Variants in HTT observed in about 807,000 individuals in gnomAD.
HTT encodes huntingtin, also known as huntington disease protein.
In HTT, 104 loss-of-function variants were observed where a neutral mutation model predicts 362.3. That is an observed-to-expected ratio of 0.29 (90% CI 0.24 to 0.34). The LOEUF (loss-of-function observed/expected upper bound fraction) is 0.34. Ranked by LOEUF, HTT falls within the 10% of genes least tolerant of loss-of-function variation. HTT has a pLI of 1.00. For missense variants in HTT, 3,301 were observed against 3,928.6 expected (o/e 0.84, Z 4.27); for synonymous variants, 1,577 against 1,548.7 (o/e 1.02, Z -0.43).
chr4:3,210,377 TGTC>T (rs1720093933), intron 47 of HTT, among the ~76,000 whole-genome samples: 1 of 152,264 alleles, frequency 6.6e-6, no homozygotes, highest in East Asian at 1.9e-4. Context: ...TTCAACACAG[TGTC>T]GTAATGCGTG....
intron 8 of HTT, among the ~76,000 whole-genome samples, chr4:3,120,102 A>G (rs1329024548): frequency 1.3e-5 from 2 of 152,228 alleles, no homozygotes; most frequent in African/African-American, 2.4e-5. Flanking sequence ...CAGAAGAGCT[A>G]AAAGTGAGAC....
rs749602044 is a variant in HTT, at chr4:3,187,653, G to A, written c.4992G>A (p.Ala1664=). ...CTTATGTATTATGTTTATTTTAGGCGTCCGTGAGCACTGTTCAACTGTGGA... is the reference window on the plus strand; with the variant it reads ...CTTATGTATTATGTTTATTTTAGGCATCCGTGAGCACTGTTCAACTGTGGA... ...RSMFVTPNTM[A]SVSTVQLWIS... Residue 1664 remains alanine (A), a splice_region_variant and synonymous_variant, in exon 39 of 67, where the codon GCG becomes GCA. Transcript: ENST00000355072. 1.6e-5 allele frequency: 25 copies of A among 1,610,766 alleles called. No individual in the cohort carries two copies. The highest frequency in any genetic ancestry group is 1.3e-4 in the East Asian group (6 of 44,872).
chr4:3,222,365 C>G lies in HTT; in HGVS notation c.7370-22C>G, dbSNP rs1415660823. 1.9e-6 allele frequency: 3 copies of G among 1,599,158 alleles called. No individual in the cohort carries two copies. In the Admixed American group the frequency reaches 5.0e-5, roughly 27 times the overall value. The stretch of plus-strand genomic sequence containing the variant: ...GGCTTGAGAAGGGTTGACACTCTCT[C>G]ATGTAACATTTATATTTCTAGGCTG... On this transcript the variant is annotated intron_variant, in intron 53 of 66. Coordinates refer to ENST00000355072, the MANE Select transcript of HTT (RefSeq NM_001388492.1).
At chr4:3,225,019 G>C (rs560877269) in intron 56 of HTT, among the ~76,000 whole-genome samples, 2 of 152,180 alleles carry the variant, frequency 1.3e-5, no homozygotes, top group Non-Finnish European at 2.9e-5. Flanking sequence ...GGAAGGGGGC[G>C]TGGAGGCCCC....
chr4:3,194,110 A>G (rs1292129351), intron 40 of HTT, among the ~76,000 whole-genome samples: 1 of 152,220 alleles, frequency 6.6e-6, no homozygotes, highest in Non-Finnish European at 1.5e-5. Context: ...AATTGGTAAT[A>G]TGTATTCACG....
In HTT at chr4:3,178,478, G is replaced by A. The variant is rs199752551; in HGVS notation, c.4612+32G>A. On this transcript the variant is annotated intron_variant, in intron 35 of 66. Transcript: ENST00000355072. ...GGACACACCTTTCACTGTCGTCTTCGGTGTCGTGATGTGCTTGGCAGTGTT... is the reference window on the plus strand; with the variant it reads ...GGACACACCTTTCACTGTCGTCTTCAGTGTCGTGATGTGCTTGGCAGTGTT... The A allele has an allele frequency of 3.9e-5, 62 of 1,606,496 alleles. No homozygotes were observed. The African/African-American group carries it at 7.0e-4, about 18-fold the overall frequency.
intron 40 of HTT, among the ~76,000 whole-genome samples, chr4:3,193,094 G>C (rs969812680): frequency 1.3e-5 from 2 of 152,256 alleles, no homozygotes; most frequent in African/African-American, 4.8e-5. Flanking sequence ...CAAGAGAGCA[G>C]CTGAGAGTAC....
intron 1 of HTT, among the ~76,000 whole-genome samples, chr4:3,079,945 T>A (rs977183844): frequency 6.6e-6 from 1 of 152,198 alleles, no homozygotes; most frequent in African/African-American, 2.4e-5. Flanking sequence ...TATAACAATT[T>A]AGCAGTAGCT....
At chr4:3,178,777 G>A (rs1254551206) in intron 35 of HTT, among the ~76,000 whole-genome samples, 7 of 152,218 alleles carry the variant, frequency 4.6e-5, no homozygotes, top group Non-Finnish European at 1.0e-4. Flanking sequence ...AAAAGGCCAA[G>A]AAGCGATGCA....
intron 5 of HTT, among the ~76,000 whole-genome samples, chr4:3,106,654 TAG>T (rs1201275695): frequency 1.3e-5 from 2 of 152,180 alleles, no homozygotes; most frequent in African/African-American, 4.8e-5. Context: ...TTAGTCTGAT[TAG>T]AGTCAGGTTT....
intron 59 of HTT, 94 bp from the exon 60 acceptor site, chr4:3,229,793 G>A (rs1325105967): frequency 3.0e-6 from 4 of 1,335,248 alleles, no homozygotes; most frequent in East Asian, 4.6e-5. Context: ...TTGGGTGTAA[G>A]AACACGACTT....
At position 3,235,272 on chromosome 4, in the gene HTT, T is replaced by C; in HGVS notation, c.8457-12T>C. ...GGGGTGGCTGAGCCTGGATGCTGTC[T>C]CCCGTTTTCAGCTGCGTGAACATTC... On this transcript the variant is annotated splice_polypyrimidine_tract_variant and intron_variant, in intron 61 of 66. Coordinates refer to ENST00000355072, the MANE Select transcript of HTT (RefSeq NM_001388492.1). The C allele has an allele frequency of 1.9e-6, 3 of 1,588,742 alleles. No individual in the cohort carries two copies. The highest frequency in any genetic ancestry group is 2.6e-6 in the Non-Finnish European group (3 of 1,157,556).
intron 12 of HTT, chr4:3,128,760 A>C (rs986562218): frequency 3.9e-5 from 6 of 152,206 alleles, no homozygotes; most frequent in African/African-American, 1.4e-4. Context: ...AGTTTTAAAA[A>C]CTGTGGTTAA....
chr4:3,126,830 A>G (rs61792508), intron 11 of HTT, among the ~76,000 whole-genome samples: 8,565 of 152,256 alleles, frequency 0.056, 294 homozygotes, highest in African/African-American at 0.094. Flanking sequence ...GCTTGGAAGA[A>G]GGCAAGCCCA....
intron 38 of HTT, among the ~76,000 whole-genome samples, chr4:3,187,388 C>G (rs1401877371): frequency 6.6e-6 from 1 of 152,194 alleles, no homozygotes; most frequent in African/African-American, 2.4e-5. Flanking sequence ...ATCTCCTGAC[C>G]TTGTGATCCG....
At chr4:3,103,727 T>C (rs1714274668) in intron 3 of HTT, 97 bp from the exon 4 acceptor site, 2 of 741,924 alleles carry the variant, frequency 2.7e-6, no homozygotes, top group South Asian at 3.2e-5. Flanking sequence ...TATTATGTTT[T>C]GCTTTGCCCC....
chr4:3,116,323 A>G (rs1412808668), intron 8 of HTT, 60 bp downstream of exon 8: 1 of 1,428,540 alleles, frequency 7.0e-7, no homozygotes, highest in East Asian at 2.3e-5. Flanking sequence ...CAAAGAACCG[A>G]TTAATTTGGA....
At position 3,222,334 on chromosome 4, in the gene HTT, G is replaced by A. The variant is rs1448746292; in HGVS notation, c.7370-53G>A. On this transcript the variant is annotated intron_variant, in intron 53 of 66. Coordinates refer to ENST00000355072, the MANE Select transcript of HTT (RefSeq NM_001388492.1). Reference sequence around the variant, plus strand: ...GTGTCGGCGTAGCTGTCAGCTCTCCGTTACAGGCTTGAGAAGGGTTGACAC... The same window carrying A: ...GTGTCGGCGTAGCTGTCAGCTCTCCATTACAGGCTTGAGAAGGGTTGACAC... 6.3e-5 allele frequency: 95 copies of A among 1,514,804 alleles called. 1 individual carries two copies. The South Asian group carries it at 8.7e-4, about 14-fold the overall frequency. The allele number at this position is 1,514,804 out of a possible 1,614,324, so 93.8% of individuals were successfully genotyped here.
intron 29 of HTT, among the ~76,000 whole-genome samples, chr4:3,172,062 T>C (rs1273023483): frequency 2.6e-5 from 4 of 152,212 alleles, no homozygotes; most frequent in African/African-American, 9.7e-5. Context: ...CAACAGGTAC[T>C]TGATAACAGT....
Sources: allele counts gnomAD v4.1 joint callset (sites outside exome capture counted in the v4.1 genomes callset), GRCh38; gene constraint gnomAD v4.1.1; transcripts MANE v1.5; gene names NCBI Gene and HGNC (gene_info 2026-07-23, HGNC 2026-07-21).